The following ADAMTSL1 variants were observed in gnomAD, a reference collection of about 807,000 sequenced individuals.
ADAMTSL1 encodes ADAMTS-like protein 1.
ADAMTSL1 carries 126 observed loss-of-function variants against 201.8 expected under a neutral mutation model. The ratio of observed to expected loss-of-function variants is 0.62; its 90% CI spans 0.54 to 0.72. ADAMTSL1 has a LOEUF of 0.72. Among genes scored for constraint, ADAMTSL1 ranks in the 30% least tolerant of loss-of-function variants. The pLI, the probability that ADAMTSL1 is intolerant of heterozygous loss-of-function variation, is 0.00. For missense variants in ADAMTSL1, 2,679 were observed against 2,277.8 expected (o/e 1.18, Z -3.59); for synonymous variants, 1,121 against 903.4 (o/e 1.24, Z -4.32).
chr9:18,710,148 C>T lies in ADAMTSL1; in HGVS notation c.1876+3100C>T, dbSNP rs920190301. 2.0e-5 allele frequency among the ~76,000 whole-genome samples: 3 copies of T among 152,164 alleles called. No homozygotes were observed. In the South Asian group the frequency reaches 6.2e-4, roughly 32 times the overall value. ...CTCCAGCTTCCCACACTCCCAGTTC[C>T]AGGGCGGCTCTGTCACTCCAGGTTC... On this transcript the variant is annotated intron_variant, in intron 14 of 28. Transcript: ENST00000380548.
At chr9:18,603,000 T>C (rs1353101651) in intron 4 of ADAMTSL1, among the ~76,000 whole-genome samples, 2 of 152,198 alleles carry the variant, frequency 1.3e-5, no homozygotes, top group African/African-American at 2.4e-5. Context: ...TAAATATTTT[T>C]ACGTAAAATG....
intron 28 of ADAMTSL1, chr9:18,907,229 T>A: frequency 2.7e-6 from 1 of 363,722 alleles, no homozygotes; most frequent in Non-Finnish European, 5.0e-6. Context: ...CCACAGGGTC[T>A]GACTCATCAA....
intron 20 of ADAMTSL1, among the ~76,000 whole-genome samples, chr9:18,799,543 G>A (rs1822643488): frequency 6.6e-6 from 1 of 152,202 alleles, no homozygotes; most frequent in African/African-American, 2.4e-5. Flanking sequence ...CGACAAAAGG[G>A]AAACATTTTT....
At chr9:18,238,883 G>A (rs947477447) in intron 2 of ADAMTSL1, among the ~76,000 whole-genome samples, 8 of 151,992 alleles carry the variant, frequency 5.3e-5, no homozygotes, top group Non-Finnish European at 8.8e-5. Flanking sequence ...CACAATATAC[G>A]CATACCTCAG....
At chr9:18,405,756 T>C (rs979187978) in intron 2 of ADAMTSL1, among the ~76,000 whole-genome samples, 3 of 152,268 alleles carry the variant, frequency 2.0e-5, no homozygotes, top group Non-Finnish European at 2.9e-5. Flanking sequence ...TGTTTAGATA[T>C]AGAAGACCTT....
intron 13 of ADAMTSL1, among the ~76,000 whole-genome samples, chr9:18,687,345 A>G (rs1830899837): frequency 1.3e-5 from 2 of 152,184 alleles, no homozygotes; most frequent in Admixed American, 6.5e-5. Context: ...ACAACCTATA[A>G]TTACTCTCTG....
At chr9:18,902,619 A>G (rs1443837519) in intron 26 of ADAMTSL1, among the ~76,000 whole-genome samples, 1 of 152,218 alleles carries the variant, frequency 6.6e-6, no homozygotes, top group Non-Finnish European at 1.5e-5. Flanking sequence ...CTAAGAGAAA[A>G]TTTTATGGCT....
intron 1 of ADAMTSL1, among the ~76,000 whole-genome samples, chr9:18,100,142 A>G (rs766263315): frequency 2.6e-5 from 4 of 152,026 alleles, no homozygotes. Context: ...ACAGTTTCAA[A>G]CTGTTCTGTG....
At chr9:18,652,080 G>C (rs1467186174) in intron 7 of ADAMTSL1, among the ~76,000 whole-genome samples, 1 of 151,948 alleles carries the variant, frequency 6.6e-6, no homozygotes, top group Non-Finnish European at 1.5e-5. Context: ...AAGAAAGAAA[G>C]ACACATAGTG....
chr9:18,380,506 T>A (rs548892358), intron 2 of ADAMTSL1, among the ~76,000 whole-genome samples: 1 of 152,308 alleles, frequency 6.6e-6, no homozygotes, highest in East Asian at 1.9e-4. Context: ...CCCCCACCAA[T>A]AACCCTCATA....
chr9:18,908,389 CTG>C (rs1830429421), intron 28 of ADAMTSL1, 51 bp from the exon 29 acceptor site: 3 of 1,455,654 alleles, frequency 2.1e-6, no homozygotes, highest in Middle Eastern at 1.8e-4. Flanking sequence ...TCATTAGTCT[CTG>C]TTTCACATCT....
At chr9:18,662,883 C>A (rs947986355) in intron 9 of ADAMTSL1, among the ~76,000 whole-genome samples, 1 of 152,118 alleles carries the variant, frequency 6.6e-6, no homozygotes, top group African/African-American at 2.4e-5. Context: ...CTTACTCATC[C>A]TCAACTTATG....
chr9:18,210,020 C>T (rs1450907715), intron 2 of ADAMTSL1, among the ~76,000 whole-genome samples: 1 of 152,088 alleles, frequency 6.6e-6, no homozygotes, highest in Non-Finnish European at 1.5e-5. Context: ...ACAAAGTCTG[C>T]TTTATAAGTG....
intron 12 of ADAMTSL1, among the ~76,000 whole-genome samples, chr9:18,683,221 G>GT (rs756275672): frequency 3.3e-4 from 17 of 51,116 alleles, no homozygotes; most frequent in Admixed American, 1.2e-3. Context: ...ATTTACTGAG[G>GT]TTTTTTTTGT....
chr9:18,484,732 T>TTGGC (rs985846317), intron 1 of ADAMTSL1, among the ~76,000 whole-genome samples: 88 of 152,346 alleles, frequency 5.8e-4, no homozygotes, highest in African/African-American at 2.1e-3. Flanking sequence ...CAGGACTGTC[T>TTGGC]TGGCTGCAGG....
intron 13 of ADAMTSL1, among the ~76,000 whole-genome samples, chr9:18,695,932 G>T (rs964192256): frequency 1.3e-5 from 2 of 152,198 alleles, no homozygotes; most frequent in Admixed American, 6.5e-5. Context: ...GCCATGGCTG[G>T]GGAGGCCACA....
intron 2 of ADAMTSL1, among the ~76,000 whole-genome samples, chr9:18,506,874 C>T (rs1183279963): frequency 6.6e-6 from 1 of 151,968 alleles, no homozygotes; most frequent in Admixed American, 6.6e-5. Context: ...AAAAAAGCCT[C>T]CAAATAGAAG....
intron 1 of ADAMTSL1, among the ~76,000 whole-genome samples, chr9:17,930,663 C>A (rs1404086741): frequency 6.6e-6 from 1 of 152,074 alleles, no homozygotes; most frequent in Non-Finnish European, 1.5e-5. Context: ...AATTCCAAGA[C>A]CCAGAGGGTG....
At chr9:17,964,363 A>G (rs1408300995) in intron 1 of ADAMTSL1, among the ~76,000 whole-genome samples, 1 of 152,254 alleles carries the variant, frequency 6.6e-6, no homozygotes. Flanking sequence ...ACAATATTCT[A>G]CACTGTAGGA....
Sources: allele counts gnomAD v4.1 joint callset (sites outside exome capture counted in the v4.1 genomes callset), GRCh38; gene constraint gnomAD v4.1.1; transcripts MANE v1.5; gene names NCBI Gene and HGNC (gene_info 2026-07-23, HGNC 2026-07-21).